PSD3: variants seen among roughly 807,000 people sequenced by gnomAD.
The protein encoded by PSD3 is pleckstrin and Sec7 domain containing 3.
A neutral mutation model predicts 105.5 loss-of-function variants in PSD3; 49 were observed. That is an observed-to-expected ratio of 0.46 (90% CI 0.37 to 0.59). The LOEUF is 0.59. PSD3 is among the 20% of genes least tolerant of loss of function. The pLI, the probability that PSD3 is intolerant of heterozygous loss-of-function variation, is 0.00. For synonymous variants in PSD3, 557 were observed against 457.8 expected, an observed-to-expected ratio of 1.22 and a Z score of -2.77; for missense variants, 1,561 against 1,263.8, an observed-to-expected ratio of 1.24 and a Z score of -3.57.
rs569186035 is a variant in PSD3 at position 18,797,016 on chromosome 8, T to C, written c.2082+2279A>G. On this transcript the variant is annotated intron_variant, in intron 8 of 15. Coordinates refer to ENST00000327040, the MANE Select transcript of PSD3 (RefSeq NM_015310.4). ...CAACAACAAAAAAATCAGGCAATCA[T>C]GATGCAAGAGAAGCTACATCCAGAA... 2.0e-5 allele frequency among the ~76,000 whole-genome samples: 3 copies of C among 152,268 alleles called. No homozygotes were observed. In the South Asian group the frequency reaches 6.2e-4, roughly 32 times the overall value.
intron 15 of PSD3, 29 bp downstream of exon 15, chr8:18,556,180 G>C (rs372349057): frequency 6.2e-6 from 10 of 1,610,016 alleles, no homozygotes; most frequent in Non-Finnish European, 8.5e-6. Context: ...TCAGAAATCA[G>C]CATTTACTAA....
chr8:18,859,542 T>C (rs1816276840), intron 4 of PSD3, among the ~76,000 whole-genome samples: 1 of 152,256 alleles, frequency 6.6e-6, no homozygotes, highest in African/African-American at 2.4e-5. Flanking sequence ...TTCCAATAGA[T>C]GGCTATTTGG....
intron 1 of PSD3, among the ~76,000 whole-genome samples, chr8:19,034,020 A>G (rs1334771427): frequency 1.3e-5 from 2 of 152,214 alleles, no homozygotes. Context: ...TCTGAATATG[A>G]AAGGAAATAG....
At chr8:19,036,505 T>G (rs542687153) in intron 1 of PSD3, among the ~76,000 whole-genome samples, 1 of 152,302 alleles carries the variant, frequency 6.6e-6, no homozygotes, top group South Asian at 2.1e-4. Context: ...GCTCTCTGCC[T>G]TCTAATAGGT....
intron 9 of PSD3, among the ~76,000 whole-genome samples, chr8:18,694,822 G>GA (rs5889817): frequency 0.85 from 127,833 of 150,892 alleles, 55,250 homozygotes; most frequent in Non-Finnish European, 0.95. Context: ...TATCTCCACT[G>GA]AAAAAAAAAA....
At chr8:19,048,739 A>G (rs1340770302) in intron 1 of PSD3, among the ~76,000 whole-genome samples, 2 of 152,232 alleles carry the variant, frequency 1.3e-5, no homozygotes, top group Non-Finnish European at 2.9e-5. Context: ...GCAGGGAAGC[A>G]AAGAATCTTA....
At chr8:19,006,350 A>C (rs1315019403) in intron 1 of PSD3, among the ~76,000 whole-genome samples, 1 of 151,202 alleles carries the variant, frequency 6.6e-6, no homozygotes, top group East Asian at 1.9e-4. Context: ...GCATGTACAC[A>C]CTCACACATA....
chr8:18,875,317 G>A (rs1182594561), intron 2 of PSD3, among the ~76,000 whole-genome samples: 1 of 152,146 alleles, frequency 6.6e-6, no homozygotes, highest in South Asian at 2.1e-4. Context: ...CTAATAAAAT[G>A]TAGCTTGCTT....
At chr8:18,907,147 T>TA (rs1819900548) in intron 2 of PSD3, among the ~76,000 whole-genome samples, 1 of 152,208 alleles carries the variant, frequency 6.6e-6, no homozygotes, top group Non-Finnish European at 1.5e-5. Context: ...TACTGAAAGA[T>TA]AAATATTTTT....
chr8:18,928,265 G>A (rs1319074296), intron 2 of PSD3, among the ~76,000 whole-genome samples: 1 of 152,154 alleles, frequency 6.6e-6, no homozygotes, highest in Non-Finnish European at 1.5e-5. Context: ...TTTTATAAAT[G>A]GGAATTTCTC....
intron 6 of PSD3, chr8:18,803,133 A>C: frequency 4.8e-6 from 1 of 210,406 alleles, no homozygotes; most frequent in Non-Finnish European, 1.0e-5. Context: ...TAAAAATACA[A>C]ATAATTAGCC....
At chr8:18,968,995 T>A (rs1004461239) in intron 1 of PSD3, among the ~76,000 whole-genome samples, 1 of 151,788 alleles carries the variant, frequency 6.6e-6, no homozygotes, top group African/African-American at 2.4e-5. Context: ...AGAAAAAAGA[T>A]TTAGTAGCAT....
At chr8:19,018,959 G>A (rs1827268929) in intron 1 of PSD3, among the ~76,000 whole-genome samples, 1 of 152,118 alleles carries the variant, frequency 6.6e-6, no homozygotes, top group Non-Finnish European at 1.5e-5. Context: ...GCCACACCAG[G>A]CTAATTTTGA....
chr8:18,705,084 T>C (rs1313340062), intron 9 of PSD3, among the ~76,000 whole-genome samples: 1 of 152,164 alleles, frequency 6.6e-6, no homozygotes, highest in African/African-American at 2.4e-5. Flanking sequence ...CCTTCCTAGA[T>C]GACAATTTAT....
At chr8:18,873,647 T>A (rs912351648) in intron 2 of PSD3, among the ~76,000 whole-genome samples, 2 of 152,176 alleles carry the variant, frequency 1.3e-5, no homozygotes, top group African/African-American at 4.8e-5. Context: ...TTAACTATAG[T>A]CACCATGTTC....
chr8:18,857,315 C>T (rs1816094401), intron 4 of PSD3, among the ~76,000 whole-genome samples: 2 of 152,152 alleles, frequency 1.3e-5, no homozygotes, highest in African/African-American at 4.8e-5. Context: ...CATGGATCAC[C>T]TGGGAATGTG....
In PSD3 at chr8:18,535,895, C is replaced by T. The variant is rs202145167; in HGVS notation, c.2992G>A (p.Asp998Asn). ...KEGGKELLSN[D>N]ESEAAGLKKS... Reference sequence around the variant, plus strand: ...TTCAGTCCTGCAGCCTCGCTTTCATCGTTACTCAGTAGCTCTTTGCCTCCT... The same window carrying T: ...TTCAGTCCTGCAGCCTCGCTTTCATTGTTACTCAGTAGCTCTTTGCCTCCT... The change falls in exon 16 of 16, where the codon GAT becomes AAT. Residue 998 changes from aspartate to asparagine, a missense_variant. Physicochemically the swap from Asp to Asn is conservative, Grantham distance 23. Transcript: ENST00000327040. 182 of 1,614,174 alleles carry T rather than the reference C, an allele frequency of 1.1e-4. 2 individuals are homozygous for T. The South Asian group carries it at 1.6e-3, about 15-fold the overall frequency.
At chr8:18,918,789 C>G (rs991206455) in intron 2 of PSD3, among the ~76,000 whole-genome samples, 3 of 152,116 alleles carry the variant, frequency 2.0e-5, no homozygotes, top group Non-Finnish European at 4.4e-5. Context: ...CAAAGCCTCT[C>G]ACCCCACCTT....
chr8:18,711,016 G>A (rs1740395830), intron 9 of PSD3, among the ~76,000 whole-genome samples: 1 of 152,070 alleles, frequency 6.6e-6, no homozygotes, highest in Non-Finnish European at 1.5e-5. Flanking sequence ...TTCCGACCTA[G>A]AATTTAATAT....
Sources: gnomAD v4.1 joint callset for allele counts (sites outside exome capture counted in the v4.1 genomes callset) on GRCh38, gnomAD v4.1.1 for gene constraint, MANE v1.5 for transcripts, NCBI Gene and HGNC (gene_info 2026-07-23, HGNC 2026-07-21) for gene names.